Variants in GRID1 observed in about 807,000 individuals in gnomAD.
The protein encoded by GRID1 is glutamate ionotropic receptor delta type subunit 1, also known as glutamate receptor ionotropic, delta-1.
A neutral mutation model predicts 98.0 loss-of-function variants in GRID1; 28 were observed. The observed-to-expected ratio is 0.29, with a 90% CI of 0.21 to 0.39. GRID1 has a LOEUF of 0.39. Ranked by LOEUF, GRID1 falls within the 10% of genes least tolerant of loss-of-function variation. The pLI, the probability that GRID1 is intolerant of heterozygous loss-of-function variation, is 1.00. For synonymous variants in GRID1, 553 were observed against 538.5 expected, an observed-to-expected ratio of 1.03 and a Z score of -0.37; for missense variants, 1,111 against 1,340.5, an observed-to-expected ratio of 0.83 and a Z score of 2.67.
intron 2 of GRID1, among the ~76,000 whole-genome samples, chr10:86,215,023 G>A (rs1846154509): frequency 6.6e-6 from 1 of 152,200 alleles, no homozygotes; most frequent in African/African-American, 2.4e-5. Flanking sequence ...TTGGAGAAAG[G>A]GAGCCAGTTC....
intron 3 of GRID1, among the ~76,000 whole-genome samples, chr10:86,140,602 A>G (rs1844997548): frequency 6.6e-6 from 1 of 152,178 alleles, no homozygotes; most frequent in Non-Finnish European, 1.5e-5. Flanking sequence ...TGGCCATCGT[A>G]ATGAGGGTGC....
intron 2 of GRID1, chr10:86,264,732 C>T (rs761694155): frequency 2.0e-6 from 1 of 492,994 alleles, no homozygotes; most frequent in South Asian, 1.5e-5. Context: ...GCCCCTGCCT[C>T]CTTCAGAGCA....
At chr10:86,034,973 GA>G (rs1288762655) in intron 4 of GRID1, among the ~76,000 whole-genome samples, 2 of 151,950 alleles carry the variant, frequency 1.3e-5, no homozygotes, top group African/African-American at 4.8e-5. Flanking sequence ...TGGATGGATG[GA>G]TGGTGGGTGG....
At chr10:85,907,591 A>C (rs1229531344) in intron 5 of GRID1, among the ~76,000 whole-genome samples, 2 of 152,234 alleles carry the variant, frequency 1.3e-5, no homozygotes, top group African/African-American at 4.8e-5. Context: ...AAATTCTAAC[A>C]AACATTTAGT....
At chr10:86,194,699 T>A (rs910529208) in intron 3 of GRID1, among the ~76,000 whole-genome samples, 1 of 152,126 alleles carries the variant, frequency 6.6e-6, no homozygotes, top group Non-Finnish European at 1.5e-5. Flanking sequence ...CCCTTCCACA[T>A]CTTCCCACTC....
intron 4 of GRID1, among the ~76,000 whole-genome samples, chr10:85,922,471 C>T (rs1841718734): frequency 6.6e-6 from 1 of 152,200 alleles, no homozygotes; most frequent in African/African-American, 2.4e-5. Flanking sequence ...TAGGCATCCC[C>T]CCAACACTGG....
intron 4 of GRID1, among the ~76,000 whole-genome samples, chr10:85,993,844 C>A (rs188613709): frequency 1.6e-4 from 24 of 152,156 alleles, no homozygotes; most frequent in Non-Finnish European, 2.9e-4. Context: ...TGAGACTCGC[C>A]CAAAATCAAA....
rs371393813 is a variant in GRID1, at chr10:86,077,109, C to A, written c.726+61710G>T. Among the ~76,000 whole-genome samples the A allele has an allele frequency of 2.0e-4, 27 of 137,124 alleles. 1 individual carries two copies. Among genetic ancestry groups the A allele is most frequent in the African/African-American group, 6.9e-4 (25 of 36,156 alleles). 90.0% of individuals were successfully genotyped at this position (137,124 alleles called of 152,430 possible). A position where few individuals can be genotyped will look rare whatever the true frequency, so the allele number is the denominator to read the frequency against. On this transcript the variant is annotated intron_variant, in intron 4 of 15. Coordinates refer to ENST00000327946, the MANE Select transcript of GRID1 (RefSeq NM_017551.3). Reference sequence around the variant, plus strand: ...TCAAACTGGCAGGGTGGGACAGTGACAAACGAGGAGCCTTCCGCGGGGACC... The same window carrying A: ...TCAAACTGGCAGGGTGGGACAGTGAAAAACGAGGAGCCTTCCGCGGGGACC...
chr10:86,362,338 A>G (rs1173755986), intron 2 of GRID1, among the ~76,000 whole-genome samples: 1 of 152,206 alleles, frequency 6.6e-6, no homozygotes, highest in Non-Finnish European at 1.5e-5. Context: ...AGCTGTGATA[A>G]GGGCACACTG....
At chr10:86,088,373 T>A (rs1844095194) in intron 4 of GRID1, among the ~76,000 whole-genome samples, 1 of 152,194 alleles carries the variant, frequency 6.6e-6, no homozygotes, top group Non-Finnish European at 1.5e-5. Flanking sequence ...CCACTTGAGA[T>A]TCCTTACTTT....
chr10:86,130,593 G>C (rs1254709771), intron 4 of GRID1, among the ~76,000 whole-genome samples: 1 of 152,158 alleles, frequency 6.6e-6, no homozygotes, highest in Non-Finnish European at 1.5e-5. Context: ...TCAGCTGCAG[G>C]ATGGTAGAAT....
At chr10:85,663,745 C>G (rs1301077606) in intron 12 of GRID1, among the ~76,000 whole-genome samples, 1 of 152,108 alleles carries the variant, frequency 6.6e-6, no homozygotes. Flanking sequence ...ATGACAGGAG[C>G]AAATGATCTC....
intron 3 of GRID1, among the ~76,000 whole-genome samples, chr10:86,163,602 T>G (rs1365541050): frequency 1.3e-5 from 2 of 152,120 alleles, no homozygotes; most frequent in Non-Finnish European, 2.9e-5. Context: ...TTTGGACTGA[T>G]AGCGTCAGCC....
intron 2 of GRID1, among the ~76,000 whole-genome samples, chr10:86,359,241 T>C (rs1848571619): frequency 6.6e-6 from 1 of 152,172 alleles, no homozygotes. Flanking sequence ...CCTCTGATGG[T>C]GTCTGGTGAG....
intron 4 of GRID1, among the ~76,000 whole-genome samples, chr10:86,021,942 G>C (rs1157678971): frequency 6.6e-6 from 1 of 152,112 alleles, no homozygotes. Flanking sequence ...TAGAGCAGCC[G>C]CATCTAAAAG....
intron 4 of GRID1, among the ~76,000 whole-genome samples, chr10:86,133,388 C>A (rs548757422): frequency 1.3e-5 from 2 of 152,298 alleles, no homozygotes; most frequent in East Asian, 3.9e-4. Context: ...TGCTGCTTAC[C>A]ACCACCACAC....
intron 6 of GRID1, among the ~76,000 whole-genome samples, chr10:85,864,452 T>C (rs1843195781): frequency 6.6e-6 from 1 of 152,252 alleles, no homozygotes; most frequent in African/African-American, 2.4e-5. Flanking sequence ...CATGGCTGCC[T>C]GCAGCCAGAA....
chr10:85,823,969 A>G (rs1478217534), intron 8 of GRID1, among the ~76,000 whole-genome samples: 3 of 152,240 alleles, frequency 2.0e-5, no homozygotes, highest in Non-Finnish European at 2.9e-5. Flanking sequence ...GAAACACTAA[A>G]GAAAGTTCCT....
chr10:86,096,198 G>T (rs572739660), intron 4 of GRID1, among the ~76,000 whole-genome samples: 1 of 152,206 alleles, frequency 6.6e-6, no homozygotes, highest in South Asian at 2.1e-4. Context: ...GACTTGGGGG[G>T]AAGAGTGAGA....
Sources: allele counts gnomAD v4.1 joint callset (sites outside exome capture counted in the v4.1 genomes callset), GRCh38; gene constraint gnomAD v4.1.1; transcripts MANE v1.5; gene names NCBI Gene and HGNC (gene_info 2026-07-23, HGNC 2026-07-21).